NDUFS3: variants seen among roughly 807,000 people sequenced by gnomAD.
The protein encoded by NDUFS3 is NADH:ubiquinone oxidoreductase core subunit S3.
A neutral mutation model predicts 30.8 loss-of-function variants in NDUFS3; 19 were observed. The observed-to-expected ratio is 0.62, with a 90% confidence interval of 0.43 to 0.91. NDUFS3 has a LOEUF of 0.91. Ranked by LOEUF, NDUFS3 falls within the 40% of genes least tolerant of loss-of-function variation. The pLI is 0.00. For synonymous variants in NDUFS3, 153 were observed against 135.8 expected, an observed-to-expected ratio of 1.13 and a Z score of -0.88; for missense variants, 331 against 342.0, an observed-to-expected ratio of 0.97 and a Z score of 0.25.
In NDUFS3 at chr11:47,580,848, A is replaced by G; in HGVS notation, c.245A>G (p.Asn82Ser). ...YVQQVQVSCF[N>S]ELEVCIHPDG... ...TCATGTGTGCAGGTGTCCTGCTTCAATGAGTTAGAGGTCTGTATCCATCCT... is the reference window on the plus strand; with the variant it reads ...TCATGTGTGCAGGTGTCCTGCTTCAGTGAGTTAGAGGTCTGTATCCATCCT... The change falls in exon 4 of 7, where the codon AAT (asparagine) becomes AGT (serine). Residue 82 changes from asparagine (N) to serine (S), a missense_variant. Coordinates refer to ENST00000263774, the MANE Select transcript of NDUFS3 (RefSeq NM_004551.3). The G allele has an allele frequency of 1.9e-6, 3 of 1,614,102 alleles. No individual in the cohort carries two copies. Among genetic ancestry groups the G allele is most frequent in the South Asian group, 1.1e-5 (1 of 91,080 alleles).
chr11:47,584,230 A>C (rs745594701), intron 6 of NDUFS3, 84 bp from the exon 7 acceptor site: 14 of 1,586,648 alleles, frequency 8.8e-6, no homozygotes, highest in Non-Finnish European at 1.2e-5. Context: ...TGGGGAAGTC[A>C]CCAATAGCCT....
intron 6 of NDUFS3, among the ~76,000 whole-genome samples, chr11:47,582,753 T>C (rs1223599699): frequency 1.3e-5 from 2 of 152,158 alleles, no homozygotes; most frequent in African/African-American, 2.4e-5. Flanking sequence ...CCCAGCACTT[T>C]GGGAAGCCAA....
Position 47,581,866 on chromosome 11 carries a change from G to A in NDUFS3, c.382-222G>A, listed in dbSNP as rs181716694. The A allele has an allele frequency of 1.3e-5, 8 of 602,324 alleles. No homozygotes were observed. The Admixed American group carries it at 2.0e-4, about 15-fold the overall frequency. 37.3% of individuals were successfully genotyped at this position (602,324 alleles called of 1,614,324 possible). A position where few individuals can be genotyped will look rare whatever the true frequency, so the allele number is the denominator to read the frequency against. The stretch of plus-strand genomic sequence containing the variant: ...TGAGTAGGAGACCAGGTAGCCTTGT[G>A]AGATGGACCAGGGAAATATTCCTGA... On this transcript the variant is annotated intron_variant, in intron 4 of 6. Transcript: ENST00000263774.
intron 5 of NDUFS3, 55 bp downstream of exon 5, chr11:47,582,268 C>G (rs902177734): frequency 6.2e-7 from 1 of 1,614,208 alleles, no homozygotes; most frequent in South Asian, 1.1e-5. Flanking sequence ...AGAACTGGTT[C>G]AGACTACGGG....
intron 2 of NDUFS3, 92 bp downstream of exon 2, chr11:47,579,426 C>T (rs1404759663): frequency 1.3e-6 from 2 of 1,513,230 alleles, no homozygotes; most frequent in Admixed American, 1.7e-5. Context: ...CCTACGTCCT[C>T]CTGGCAAATC....
intron 1 of NDUFS3, 32 bp from the exon 2 acceptor site, chr11:47,579,237 C>G (rs1425456309): frequency 6.2e-7 from 1 of 1,614,114 alleles, no homozygotes; most frequent in Admixed American, 1.7e-5. Flanking sequence ...GGGCTCATCC[C>G]GCGCGTCTGT....
In NDUFS3 at chr11:47,584,223, G is replaced by C; in HGVS notation, c.628-91G>C. The C allele has an allele frequency of 1.9e-6, 3 of 1,552,186 alleles. No homozygotes were observed. The East Asian group carries it at 6.7e-5, about 35-fold the overall frequency. On this transcript the variant is annotated intron_variant, in intron 6 of 6. Coordinates refer to ENST00000263774, the MANE Select transcript of NDUFS3 (RefSeq NM_004551.3). ...TCAGTAACCGAGAGGAATGGGCTGG[G>C]GAAGTCACCAATAGCCTTGTGAAAA...
Position 47,582,418 on chromosome 11 carries a change from T to C in NDUFS3, c.577T>C (p.Phe193Leu). The C allele has an allele frequency of 6.2e-7, 1 of 1,614,220 alleles. No homozygotes were observed. Among genetic ancestry groups the C allele is most frequent in the Non-Finnish European group, 8.5e-7 (1 of 1,180,046 alleles). Residue 193 changes from phenylalanine (F) to leucine (L), a missense_variant, in exon 6 of 7, where the codon TTC (phenylalanine) becomes CTC (leucine). By Grantham distance (22) the Phe-to-Leu change is conservative. Transcript: ENST00000263774. ...DLRRILTDYG[F>L]EGHPFRKDFP... Reference sequence around the variant, plus strand: ...AAGAAGGATCCTGACAGATTATGGCTTCGAGGGACATCCTTTCCGGAAAGA... The same window carrying C: ...AAGAAGGATCCTGACAGATTATGGCCTCGAGGGACATCCTTTCCGGAAAGA...
Position 47,584,439 on chromosome 11 carries a change from T to G in NDUFS3, c.753T>G (p.Ser251Arg), listed in dbSNP as rs752314902. 3 of 1,612,776 alleles carry G rather than the reference T, an allele frequency of 1.9e-6. No homozygotes were observed. The Admixed American group carries it at 5.0e-5, about 27-fold the overall frequency. ...CAGTCTATCGCCAACCCCCGGAGAG[T>G]CTCAAGCTTGAAGCCGGAGACAAGA... The part of the protein sequence containing the change: ...AFPVYRQPPE[S>R]LKLEAGDKKP... The change falls in exon 7 of 7, where the codon AGT becomes AGG. Residue 251 changes from serine to arginine, a missense_variant. Transcript: ENST00000263774.
intron 4 of NDUFS3, 175 bp downstream of exon 4, chr11:47,581,159 A>ATTT: frequency 5.3e-5 from 32 of 603,212 alleles, no homozygotes; most frequent in South Asian, 6.0e-5. Flanking sequence ...ATTTTGTTTA[A>ATTT]TTTTTTTTTT....
intron 2 of NDUFS3, 30 bp downstream of exon 2, chr11:47,579,364 G>A (rs2097266689): frequency 6.2e-7 from 1 of 1,612,204 alleles, no homozygotes; most frequent in Non-Finnish European, 8.5e-7. Context: ...GCTCTTCTCT[G>A]AACTATCGGC....
At position 47,584,386 on chromosome 11, in the gene NDUFS3, G is replaced by A. The variant is rs761809878; in HGVS notation, c.700G>A (p.Asp234Asn). 2.5e-6 allele frequency: 4 copies of A among 1,614,098 alleles called. No individual in the cohort carries two copies. Among genetic ancestry groups the A allele is most frequent in the Non-Finnish European group, 3.4e-6 (4 of 1,180,034 alleles). The change falls in exon 7 of 7, where the codon GAC (aspartate) becomes AAC (asparagine). Residue 234 changes from aspartate (D) to asparagine (N), a missense_variant. Coordinates refer to ENST00000263774, the MANE Select transcript of NDUFS3 (RefSeq NM_004551.3). ...GTTGGCCCAAGAGTTCCGCAAATTT[G>A]ACCTGAACAGCCCCTGGGAGGCTTT... ...VELAQEFRKFDLNSPWEAFPV... is the reference protein window; with the variant it reads ...VELAQEFRKFNLNSPWEAFPV...
In NDUFS3 at chr11:47,582,076, TG is replaced by T. The variant is rs2097269045; in HGVS notation, c.382-11del. The T allele has an allele frequency of 6.2e-7, 1 of 1,613,464 alleles. No individual in the cohort carries two copies. The highest frequency in any genetic ancestry group is 1.3e-5 in the African/African-American group (1 of 74,920). On this transcript the variant is annotated splice_polypyrimidine_tract_variant and intron_variant, in intron 4 of 6. Coordinates refer to ENST00000263774, the MANE Select transcript of NDUFS3 (RefSeq NM_004551.3). ...CCCATCTCAGCCCTCCAGATCCTTCTGTTCTCCCTAGATTGTCTACAACCTG... is the reference window on the plus strand; with the variant it reads ...CCCATCTCAGCCCTCCAGATCCTTCTTTCTCCCTAGATTGTCTACAACCTG...
At position 47,579,121 on chromosome 11, in the gene NDUFS3, G is replaced by A. The variant is rs1461572554; in HGVS notation, c.30G>A (p.Trp10Ter). 6.3e-7 allele frequency: 1 copy of A among 1,590,630 alleles called. No individual in the cohort carries two copies. The highest frequency in any genetic ancestry group is 1.1e-5 in the South Asian group (1 of 89,104). Reference protein sequence around the residue: MAAAAVARLWWRGILGASAL... With the variant: MAAAAVARL ...CGGCGGCGGCGGTAGCCAGGCTGTGGTGGCGCGGGATCTTGGGGGCCTCGG... is the reference window on the plus strand; with the variant it reads ...CGGCGGCGGCGGTAGCCAGGCTGTGATGGCGCGGGATCTTGGGGGCCTCGG... The change falls in exon 1 of 7, where the codon TGG becomes TGA. Residue 10 changes from tryptophan (W) to a stop codon, truncating the protein, a stop_gained. Transcript: ENST00000263774. LOFTEE classifies it high-confidence loss of function.
At chr11:47,579,595 T>G (rs1598803254) in intron 2 of NDUFS3, 2 of 596,254 alleles carry the variant, frequency 3.4e-6, no homozygotes, top group African/African-American at 3.7e-5. Flanking sequence ...CAATATAACC[T>G]TTAGGCCTCA....
chr11:47,581,290 A>G (rs1347002035), intron 4 of NDUFS3: 1 of 381,136 alleles, frequency 2.6e-6, no homozygotes, highest in South Asian at 2.2e-5. Context: ...AGTAGCTGGG[A>G]CTACAGGTGC....
At chr11:47,581,046 C>A in intron 4 of NDUFS3, 62 bp downstream of exon 4, 4 of 1,592,284 alleles carry the variant, frequency 2.5e-6, no homozygotes, top group East Asian at 4.5e-5. Context: ...TTGTAACATA[C>A]AATAGAACAC....
Position 47,580,540 on chromosome 11 carries a change from G to A in NDUFS3, c.149G>A (p.Arg50Gln), listed in dbSNP as rs1555198759. The A allele has an allele frequency of 7.4e-6, 12 of 1,614,136 alleles. No individual in the cohort carries two copies. Among genetic ancestry groups the A allele is most frequent in the South Asian group, 1.1e-5 (1 of 91,078 alleles). Residue 50 changes from arginine to glutamine, a missense_variant, in exon 3 of 7, where the codon CGG becomes CAG. By Grantham distance (43) the Arg-to-Gln change is conservative (BLOSUM62 1). Transcript: ENST00000263774. ...GADTRPTVRP[R>Q]NDVAHKQLSA... Reference sequence around the variant, plus strand: ...TTCCTTCCAGCCACTGTCAGACCACGGAATGATGTGGCCCACAAGCAGCTC... The same window carrying A: ...TTCCTTCCAGCCACTGTCAGACCACAGAATGATGTGGCCCACAAGCAGCTC...
chr11:47,581,675 G>A (rs1219390190), intron 4 of NDUFS3: 9 of 283,300 alleles, frequency 3.2e-5, no homozygotes, highest in Non-Finnish European at 6.2e-5. Flanking sequence ...TGTCCTCCAG[G>A]AGTCCCCTAC....
Sources: allele counts gnomAD v4.1 joint callset (sites outside exome capture counted in the v4.1 genomes callset), GRCh38; gene constraint gnomAD v4.1.1; transcripts MANE v1.5; gene names NCBI Gene and HGNC (gene_info 2026-07-23, HGNC 2026-07-21).